Variants in CTNNA2 observed in about 807,000 individuals in gnomAD.
CTNNA2 encodes catenin alpha 2, also known as catenin alpha-2.
Under a neutral mutation model 101.0 loss-of-function variants are expected in CTNNA2, and 42 were observed. That is an observed-to-expected ratio of 0.42 (90% confidence interval 0.32 to 0.54). The LOEUF (loss-of-function observed/expected upper bound fraction) is 0.54, where lower values mean the gene tolerates loss of function less well. Among genes scored for constraint, CTNNA2 ranks in the 20% least tolerant of loss-of-function variants. The probability of loss-of-function intolerance (pLI) is 0.14; values close to 1 mark genes in which losing one functional copy is unlikely to be tolerated. For synonymous variants in CTNNA2, 450 were observed against 456.4 expected, an observed-to-expected ratio of 0.99 and a Z score of 0.18; for missense variants, 871 against 1,223.1, an observed-to-expected ratio of 0.71 and a Z score of 4.29.
intron 8 of CTNNA2, among the ~76,000 whole-genome samples, chr2:80,405,513 TATA>T (rs1342785728): frequency 6.6e-6 from 1 of 152,186 alleles, no homozygotes; most frequent in Non-Finnish European, 1.5e-5. Flanking sequence ...CTATAATAAT[TATA>T]ATAATAGGCT....
At chr2:80,216,115 G>T (rs542860635) in intron 7 of CTNNA2, among the ~76,000 whole-genome samples, 2 of 152,144 alleles carry the variant, frequency 1.3e-5, no homozygotes, top group Non-Finnish European at 2.9e-5. Context: ...TTGGAAAAGC[G>T]CAGTATTAGG....
In CTNNA2 at chr2:80,590,158, T is replaced by A. The variant is rs1696338484; in HGVS notation, c.2189+673T>A. Among the ~76,000 whole-genome samples, 3 of 152,204 alleles carry A rather than the reference T, an allele frequency of 2.0e-5. No individual in the cohort carries two copies. In the South Asian group the frequency reaches 6.2e-4, roughly 31 times the overall value. ...TTCAACAAGGGTTAGTGCTCTTTTC[T>A]ATCATTGCATTTTGGTCTCTTCTTT... On this transcript the variant is annotated intron_variant, in intron 15 of 18. Transcript: ENST00000402739.
intron 18 of CTNNA2, among the ~76,000 whole-genome samples, chr2:80,646,374 A>T (rs571657460): frequency 6.6e-6 from 1 of 152,156 alleles, no homozygotes. Flanking sequence ...AAGTTTGATG[A>T]AAGATCAGAC....
intron 9 of CTNNA2, among the ~76,000 whole-genome samples, chr2:80,478,069 T>A (rs1229307754): frequency 2.6e-5 from 4 of 152,120 alleles, no homozygotes; most frequent in South Asian, 2.1e-4. Context: ...TTTTTTGACT[T>A]TTTAATAATG....
intron 7 of CTNNA2, among the ~76,000 whole-genome samples, chr2:80,010,039 A>G (rs1306450299): frequency 6.6e-6 from 1 of 151,506 alleles, no homozygotes; most frequent in East Asian, 1.9e-4. Context: ...CTTAGAATTA[A>G]ATGTGATTAA....
At chr2:79,235,578 C>G (rs1459625801) in intron 2 of CTNNA2, among the ~76,000 whole-genome samples, 1 of 152,178 alleles carries the variant, frequency 6.6e-6, no homozygotes, top group Non-Finnish European at 1.5e-5. Flanking sequence ...TGGCCATATC[C>G]TTGACAGGCC....
intron 7 of CTNNA2, among the ~76,000 whole-genome samples, chr2:79,973,600 C>T (rs1356179829): frequency 6.6e-6 from 1 of 152,094 alleles, no homozygotes; most frequent in Non-Finnish European, 1.5e-5. Context: ...TAAGGTGTGT[C>T]AACCTAAAAA....
intron 7 of CTNNA2, among the ~76,000 whole-genome samples, chr2:80,135,276 G>C (rs568654536): frequency 2.6e-5 from 4 of 152,158 alleles, no homozygotes; most frequent in Admixed American, 6.5e-5. Flanking sequence ...TGGCAGGAAG[G>C]CCTGACAAAT....
intron 6 of CTNNA2, among the ~76,000 whole-genome samples, chr2:79,908,794 C>T (rs1451409741): frequency 6.6e-6 from 1 of 152,146 alleles, no homozygotes; most frequent in Non-Finnish European, 1.5e-5. Flanking sequence ...CTGACATTTA[C>T]CAGATCCCTA....
intron 18 of CTNNA2, among the ~76,000 whole-genome samples, chr2:80,647,098 AT>A (rs1290405754): frequency 2.0e-5 from 3 of 152,070 alleles, no homozygotes; most frequent in Admixed American, 6.6e-5. Flanking sequence ...AGTTAAATTG[AT>A]ACTCCAAGCT....
chr2:79,994,708 C>CA (rs912821131), intron 7 of CTNNA2, among the ~76,000 whole-genome samples: 4 of 149,280 alleles, frequency 2.7e-5, no homozygotes, highest in Admixed American at 6.7e-5. Flanking sequence ...ATGAAAAATG[C>CA]AAAAAAAAAG....
At chr2:79,576,648 G>A (rs990927155) in intron 1 of CTNNA2, among the ~76,000 whole-genome samples, 13 of 151,996 alleles carry the variant, frequency 8.6e-5, no homozygotes, top group Non-Finnish European at 1.2e-4. Flanking sequence ...CTTGTTAGAC[G>A]ATATCACTCA....
intron 1 of CTNNA2, among the ~76,000 whole-genome samples, chr2:79,568,161 GT>G (rs1257613287): frequency 6.6e-6 from 1 of 152,092 alleles, no homozygotes; most frequent in African/African-American, 2.4e-5. Flanking sequence ...GCAGTATAAT[GT>G]CTGGCACATC....
intron 1 of CTNNA2, among the ~76,000 whole-genome samples, chr2:79,523,814 ATT>A (rs1221162707): frequency 1.3e-5 from 2 of 152,036 alleles, no homozygotes; most frequent in African/African-American, 4.8e-5. Flanking sequence ...TTTTAGATAA[ATT>A]TGTTTCCCAG....
intron 4 of CTNNA2, among the ~76,000 whole-genome samples, chr2:79,465,778 CTGTTTGTT>C (rs376365745): frequency 3.3e-5 from 4 of 120,646 alleles, no homozygotes; most frequent in Admixed American, 3.2e-4. Context: ...ATTTGGCTCT[CTGTTTGTT>C]TGTTATTTGG....
At chr2:80,528,337 C>T (rs1425252193) in intron 9 of CTNNA2, among the ~76,000 whole-genome samples, 1 of 152,142 alleles carries the variant, frequency 6.6e-6, no homozygotes, top group African/African-American at 2.4e-5. Flanking sequence ...GCTGGGACTA[C>T]AGGCACTCAC....
chr2:80,602,745 T>C (rs370984026), intron 15 of CTNNA2, among the ~76,000 whole-genome samples: 4 of 152,146 alleles, frequency 2.6e-5, no homozygotes, highest in South Asian at 4.1e-4. Context: ...ACTGTCTGCA[T>C]TTTAAAATCT....
chr2:79,958,306 C>G (rs979806778), intron 7 of CTNNA2, among the ~76,000 whole-genome samples: 1 of 152,110 alleles, frequency 6.6e-6, no homozygotes, highest in East Asian at 1.9e-4. Flanking sequence ...AACTTGTGAA[C>G]CAATGAGTAT....
intron 7 of CTNNA2, among the ~76,000 whole-genome samples, chr2:80,341,877 T>C (rs892379021): frequency 6.6e-6 from 1 of 152,116 alleles, no homozygotes; most frequent in Non-Finnish European, 1.5e-5. Context: ...TGCTGCCTGA[T>C]GAATAGAAAA....
Sources: gnomAD v4.1 joint callset for allele counts (sites outside exome capture counted in the v4.1 genomes callset) on GRCh38, gnomAD v4.1.1 for gene constraint, MANE v1.5 for transcripts, NCBI Gene and HGNC (gene_info 2026-07-23, HGNC 2026-07-21) for gene names.